Variants in TDRD3 observed in about 807,000 individuals in gnomAD.
TDRD3 encodes tudor domain-containing protein 3.
A neutral mutation model predicts 86.7 loss-of-function variants in TDRD3; 45 were observed. The observed-to-expected ratio is 0.52, with a 90% CI of 0.41 to 0.67. The LOEUF (loss-of-function observed/expected upper bound fraction) is 0.67, where lower values mean the gene tolerates loss of function less well. Ranked by LOEUF, TDRD3 falls within the 30% of genes least tolerant of loss-of-function variation. The probability of loss-of-function intolerance (pLI) is 0.00; values close to 1 mark genes in which losing one functional copy is unlikely to be tolerated. For missense variants in TDRD3, 814 were observed against 889.0 expected, an observed-to-expected ratio of 0.92 and a Z score of 1.07; for synonymous variants, 298 against 301.7, an observed-to-expected ratio of 0.99 and a Z score of 0.13.
chr13:60,458,706 A>G (rs1338062694), intron 3 of TDRD3, among the ~76,000 whole-genome samples: 1 of 152,208 alleles, frequency 6.6e-6, no homozygotes, highest in Non-Finnish European at 1.5e-5. Context: ...CTCTCCATAT[A>G]TAGAACACTT....
intron 10 of TDRD3, among the ~76,000 whole-genome samples, chr13:60,523,851 ACAGGC>A (rs924101348): frequency 6.6e-6 from 1 of 152,142 alleles, no homozygotes; most frequent in African/African-American, 2.4e-5. Context: ...TGCTGGGATT[ACAGGC>A]GTGAGCCATA....
chr13:60,542,930 C>T (rs1957850162), intron 12 of TDRD3, among the ~76,000 whole-genome samples: 1 of 152,116 alleles, frequency 6.6e-6, no homozygotes, highest in South Asian at 2.1e-4. Flanking sequence ...TTTATTCTAG[C>T]ATCGTGTATA....
Position 60,490,050 on chromosome 13 carries a change from G to GTTT in TDRD3, c.717+4122_717+4124dup, listed in dbSNP as rs11397531. ...AATATTTGATAATTAAAGCATCTTA[G>GTTT]TTTTTTTTTTTTTTTTTTTTTTACA... On this transcript the variant is annotated intron_variant, in intron 7 of 13. Coordinates refer to ENST00000377881, the MANE Select transcript of TDRD3 (RefSeq NM_001146070.2). 9.7e-4 allele frequency among the ~76,000 whole-genome samples: 108 copies of GTTT among 110,964 alleles called. 4 individuals are homozygous for GTTT. Among genetic ancestry groups the GTTT allele is most frequent in the Middle Eastern group, 7.5e-3 (1 of 134 alleles). 72.8% of individuals were successfully genotyped at this position (110,964 alleles called of 152,430 possible). A position where few individuals can be genotyped will look rare whatever the true frequency, so the allele number is the denominator to read the frequency against.
upstream of TDRD3, chr13:60,396,694 T>TG (rs577726237): frequency 7.1e-3 from 1,081 of 152,510 alleles, 5 homozygotes; most frequent in Non-Finnish European, 0.011. Flanking sequence ...GGTGTCCGAC[T>TG]GGGGCAACTC....
chr13:60,550,875 T>C lies in TDRD3; in HGVS notation c.2118+15642T>C, dbSNP rs547709167. Among the ~76,000 whole-genome samples, 3 of 152,156 alleles carry C rather than the reference T, an allele frequency of 2.0e-5. No homozygotes were observed. In the East Asian group the frequency reaches 5.8e-4, roughly 29 times the overall value. Reference sequence around the variant, plus strand: ...TATTGAACTATTGAACACTCAACTTTGTACCAGACATTATTCTAAGCTCTT... The same window carrying C: ...TATTGAACTATTGAACACTCAACTTCGTACCAGACATTATTCTAAGCTCTT... On this transcript the variant is annotated intron_variant, in intron 12 of 13. Transcript: ENST00000377881.
chr13:60,527,492 CAA>C (rs1340374378), intron 10 of TDRD3, among the ~76,000 whole-genome samples: 5 of 152,060 alleles, frequency 3.3e-5, no homozygotes, highest in Non-Finnish European at 5.9e-5. Context: ...ACAAAGGAAA[CAA>C]GACACATACA....
At chr13:60,426,929 G>A (rs1424076849) in intron 1 of TDRD3, among the ~76,000 whole-genome samples, 1 of 152,148 alleles carries the variant, frequency 6.6e-6, no homozygotes, top group African/African-American at 2.4e-5. Context: ...TTGCTCCTAG[G>A]CTACCAACCT....
At chr13:60,496,255 T>G (rs1259580130) in intron 8 of TDRD3, among the ~76,000 whole-genome samples, 1 of 138,936 alleles carries the variant, frequency 7.2e-6, no homozygotes, top group African/African-American at 2.7e-5. Flanking sequence ...TGGTCTATTG[T>G]GGGACCTTGT....
At chr13:60,524,335 C>T (rs1475061289) in intron 10 of TDRD3, among the ~76,000 whole-genome samples, 1 of 151,698 alleles carries the variant, frequency 6.6e-6, no homozygotes, top group Non-Finnish European at 1.5e-5. Context: ...GGTGAAACCC[C>T]GTCTCTACTA....
At chr13:60,455,100 A>G (rs908661481) in intron 3 of TDRD3, among the ~76,000 whole-genome samples, 2 of 152,094 alleles carry the variant, frequency 1.3e-5, no homozygotes, top group East Asian at 3.9e-4. Flanking sequence ...TTTAGTAGAG[A>G]CGGGGTTTCA....
intron 12 of TDRD3, among the ~76,000 whole-genome samples, chr13:60,565,414 A>C (rs1224520048): frequency 6.6e-6 from 1 of 152,082 alleles, no homozygotes; most frequent in East Asian, 1.9e-4. Flanking sequence ...TAAAGACATC[A>C]AGTTATGAGT....
intron 12 of TDRD3, among the ~76,000 whole-genome samples, chr13:60,538,292 G>A (rs985968853): frequency 6.6e-6 from 1 of 151,310 alleles, no homozygotes; most frequent in South Asian, 2.1e-4. Flanking sequence ...ATTGTGTTTC[G>A]ATTATGATTA....
At chr13:60,547,442 G>T in intron 12 of TDRD3, 1 of 984,680 alleles carries the variant, frequency 1.0e-6, no homozygotes, top group South Asian at 4.7e-5. Context: ...GGAGTCAGAA[G>T]ACCTGGGTTC....
chr13:60,463,284 C>A (rs1955840386), intron 4 of TDRD3, among the ~76,000 whole-genome samples: 1 of 150,882 alleles, frequency 6.6e-6, no homozygotes, highest in African/African-American at 2.4e-5. Flanking sequence ...ATCACTTGAA[C>A]CCAGGAGGCA....
At chr13:60,513,339 A>T (rs892099776) in intron 10 of TDRD3, among the ~76,000 whole-genome samples, 2 of 152,188 alleles carry the variant, frequency 1.3e-5, no homozygotes, top group Non-Finnish European at 1.5e-5. Flanking sequence ...GAGGGGTTCC[A>T]TGAAGACCTC....
chr13:60,485,966 T>C lies in TDRD3; in HGVS notation c.717+18T>C, dbSNP rs1328023330. 6.3e-7 allele frequency: 1 copy of C among 1,587,082 alleles called. No homozygotes were observed. Among genetic ancestry groups the C allele is most frequent in the Non-Finnish European group, 8.6e-7 (1 of 1,169,316 alleles). ...GCAAGGAAGTAAGAAATCAAATCAT[T>C]ACACGTTTTATTTCTTATCATTATG... On this transcript the variant is annotated intron_variant, in intron 7 of 13. Coordinates refer to ENST00000377881, the MANE Select transcript of TDRD3 (RefSeq NM_001146070.2).
In TDRD3 at chr13:60,471,349, A is replaced by G. The variant is rs554058852; in HGVS notation, c.495+3970A>G. Among the ~76,000 whole-genome samples, 21 of 152,322 alleles carry G rather than the reference A, an allele frequency of 1.4e-4. No homozygotes were observed. The South Asian group carries it at 4.4e-3, about 32-fold the overall frequency. On this transcript the variant is annotated intron_variant, in intron 5 of 13. Coordinates refer to ENST00000377881, the MANE Select transcript of TDRD3 (RefSeq NM_001146070.2). The stretch of plus-strand genomic sequence containing the variant: ...CTTATCAAAAATTATTTGGCCATAT[A>G]TGAACAAATTTATTTCTAGGTTATC...
In TDRD3 at chr13:60,407,816, T is replaced by TA. The variant is rs529451702; in HGVS notation, c.41+10412dup. Among the ~76,000 whole-genome samples, 524 of 152,358 alleles carry TA rather than the reference T, an allele frequency of 3.4e-3. 6 individuals are homozygous for TA. Among genetic ancestry groups the TA allele is most frequent in the Non-Finnish European group, 1.6e-3 (110 of 68,028 alleles). On this transcript the variant is annotated intron_variant, in intron 1 of 13. Transcript: ENST00000377881. ...TGCTTACAGCTTAGCACTTCAGTGA[T>TA]ATGGTGTGGCTGTGTTCCGACCCAA...
Position 60,403,006 on chromosome 13 carries a change from C to T in TDRD3, c.41+5601C>T, listed in dbSNP as rs568673523. On this transcript the variant is annotated intron_variant, in intron 1 of 13. Coordinates refer to ENST00000377881, the MANE Select transcript of TDRD3 (RefSeq NM_001146070.2). Reference sequence around the variant, plus strand: ...AATGTTCAAAGGTAATAAGCCTTGCCGACTTTCTGTCTCAAAATATGTTAC... The same window carrying T: ...AATGTTCAAAGGTAATAAGCCTTGCTGACTTTCTGTCTCAAAATATGTTAC... Among the ~76,000 whole-genome samples the T allele has an allele frequency of 4.6e-5, 7 of 152,198 alleles. No individual in the cohort carries two copies. In the South Asian group the frequency reaches 8.3e-4, roughly 18 times the overall value.
Sources: gnomAD v4.1 joint callset for allele counts (sites outside exome capture counted in the v4.1 genomes callset) on GRCh38, gnomAD v4.1.1 for gene constraint, MANE v1.5 for transcripts, NCBI Gene and HGNC (gene_info 2026-07-23, HGNC 2026-07-21) for gene names.